Variants in DAPK2 observed in about 807,000 individuals in gnomAD.
The protein encoded by DAPK2 is death associated protein kinase 2.
DAPK2 carries 35 observed loss-of-function variants against 44.1 expected under a neutral mutation model. The ratio of observed to expected loss-of-function variants is 0.79; its 90% CI spans 0.61 to 1.05. The LOEUF (loss-of-function observed/expected upper bound fraction) is 1.05. Ranked by LOEUF, DAPK2 falls within the 50% of genes least tolerant of loss-of-function variation. DAPK2 has a pLI of 0.00. For synonymous variants in DAPK2, 174 were observed against 182.6 expected, an observed-to-expected ratio of 0.95 and a Z score of 0.38; for missense variants, 453 against 483.2, an observed-to-expected ratio of 0.94 and a Z score of 0.59.
At position 63,911,888 on chromosome 15, in the gene DAPK2, G is replaced by A. The variant is rs1299738627; in HGVS notation, c.1032+20C>T. 4 of 1,610,474 alleles carry A rather than the reference G, an allele frequency of 2.5e-6. No individual in the cohort carries two copies. The highest frequency in any genetic ancestry group is 2.2e-5 in the East Asian group (1 of 44,834). ...GCTACCCCAGAATTCTGCCCAAGAAGAGGGCATGCATTTACCCACCAGGTC... is the reference window on the plus strand; with the variant it reads ...GCTACCCCAGAATTCTGCCCAAGAAAAGGGCATGCATTTACCCACCAGGTC... On this transcript the variant is annotated intron_variant, in intron 10 of 10. Transcript: ENST00000261891.
rs1246847387 is a variant in DAPK2, at chr15:64,023,687, C to T, written c.92+16483G>A. Among the ~76,000 whole-genome samples, 18 of 152,174 alleles carry T rather than the reference C, an allele frequency of 1.2e-4. No homozygotes were observed. The South Asian group carries it at 3.5e-3, about 30-fold the overall frequency. On this transcript the variant is annotated intron_variant, in intron 1 of 10. Transcript: ENST00000261891. ...CCTCACTGCAACTCCTCCCTGTGAA[C>T]TCTTCAAATCAACTGATGACCACTG...
rs1045653813 is a variant in DAPK2 at position 63,966,349 on chromosome 15, G to A, written c.453+5074C>T. Reference sequence around the variant, plus strand: ...ACTTTTCCCTCTTTTCTCCTCAAGTGGAGGGAAGGATTCTCTCCTGGAGTT... The same window carrying A: ...ACTTTTCCCTCTTTTCTCCTCAAGTAGAGGGAAGGATTCTCTCCTGGAGTT... On this transcript the variant is annotated intron_variant, in intron 3 of 10. Transcript: ENST00000261891. The surrounding 1 kb of genome is among the most constrained non-coding windows in gnomAD (Gnocchi z 5.5). 5.3e-5 allele frequency among the ~76,000 whole-genome samples: 8 copies of A among 152,206 alleles called. No individual in the cohort carries two copies. Among genetic ancestry groups the A allele is most frequent in the Non-Finnish European group, 7.3e-5 (5 of 68,036 alleles).
At chr15:63,978,167 G>C (rs1292578724) in intron 2 of DAPK2, among the ~76,000 whole-genome samples, 1 of 152,156 alleles carries the variant, frequency 6.6e-6, no homozygotes, top group Non-Finnish European at 1.5e-5. Context: ...GTATCATATA[G>C]ACAGTGAAGC....
intron 3 of DAPK2, among the ~76,000 whole-genome samples, chr15:63,968,268 G>A (rs1156769814): frequency 2.0e-5 from 3 of 152,206 alleles, no homozygotes; most frequent in Admixed American, 6.5e-5. Flanking sequence ...TTGCCCAGGT[G>A]GGCCTAGGCC....
At chr15:63,913,533 C>T (rs191436955) in intron 8 of DAPK2, among the ~76,000 whole-genome samples, 1 of 152,302 alleles carries the variant, frequency 6.6e-6, no homozygotes, top group East Asian at 1.9e-4. Flanking sequence ...TGACAGCCTT[C>T]CTGCCGCAAT....
At chr15:63,952,942 C>G (rs1465164042) in intron 3 of DAPK2, among the ~76,000 whole-genome samples, 1 of 151,966 alleles carries the variant, frequency 6.6e-6, no homozygotes, top group African/African-American at 2.4e-5. Context: ...TCCCTTCCCC[C>G]CACCCCTGGC....
intron 3 of DAPK2, among the ~76,000 whole-genome samples, chr15:63,942,628 C>T (rs900245388): frequency 1.1e-4 from 16 of 151,982 alleles, no homozygotes; most frequent in Admixed American, 9.8e-4. Flanking sequence ...CATGTTTCCC[C>T]CGCCCGAGTC....
chr15:63,983,394 G>A (rs1222085933), intron 2 of DAPK2, 139 bp downstream of exon 3: 3 of 708,606 alleles, frequency 4.2e-6, no homozygotes, highest in East Asian at 5.4e-5. Context: ...GAGGGGATCT[G>A]CCCACCACTG....
chr15:63,923,332 T>C lies in DAPK2; in HGVS notation c.858+1484A>G. ...TCTTCCGCTGTTCAGGGGCTCTGCC[T>C]TCTCCTTTTGACTGGTGGGTGTTCA... On this transcript the variant is annotated intron_variant, in intron 8 of 10. Coordinates refer to ENST00000261891, the Ensembl canonical transcript of DAPK2. The surrounding 1 kb of genome is among the most constrained non-coding windows in gnomAD (Gnocchi z 4.2). The C allele has an allele frequency of 6.5e-7, 1 of 1,535,046 alleles. No individual in the cohort carries two copies. Among genetic ancestry groups the C allele is most frequent in the Non-Finnish European group, 8.7e-7 (1 of 1,146,000 alleles).
intron 3 of DAPK2, among the ~76,000 whole-genome samples, chr15:63,953,776 A>G (rs1362871264): frequency 6.6e-6 from 1 of 152,180 alleles, no homozygotes; most frequent in Non-Finnish European, 1.5e-5. Context: ...CATTGTTACC[A>G]GCATGTTACT....
At chr15:63,964,056 C>T (rs1470905050) in intron 3 of DAPK2, among the ~76,000 whole-genome samples, 1 of 152,228 alleles carries the variant, frequency 6.6e-6, no homozygotes, top group Non-Finnish European at 1.5e-5. Flanking sequence ...TCTACACCTT[C>T]AGATGGTTTC....
At chr15:63,956,204 T>G (rs1358225568) in intron 3 of DAPK2, among the ~76,000 whole-genome samples, 2 of 152,196 alleles carry the variant, frequency 1.3e-5, no homozygotes, top group African/African-American at 4.8e-5. Context: ...TAGGTCTGGT[T>G]AAAAGTTTGT....
intron 3 of DAPK2, among the ~76,000 whole-genome samples, chr15:63,955,131 C>G (rs962429760): frequency 1.3e-5 from 2 of 152,180 alleles, no homozygotes; most frequent in Admixed American, 6.5e-5. Context: ...CCAATTTGGA[C>G]GCCCTTTATT....
At chr15:63,968,559 CA>C (rs2078119641) in intron 3 of DAPK2, among the ~76,000 whole-genome samples, 1 of 152,208 alleles carries the variant, frequency 6.6e-6, no homozygotes, top group Non-Finnish European at 1.5e-5. Context: ...AACACTGTAA[CA>C]AAAGTTCTAT....
In DAPK2 at chr15:63,990,322, G is replaced by A. The variant is rs1293883525; in HGVS notation, c.93-6568C>T. On this transcript the variant is annotated intron_variant, in intron 1 of 10. Transcript: ENST00000261891. The surrounding 1 kb of genome is among the most constrained non-coding windows in gnomAD (Gnocchi z 4.3). ...TGCACACCTGTAGTCCCAACTACTC[G>A]AAGGGTGAAGCACAATAATTGTTTG... Among the ~76,000 whole-genome samples, 8 of 152,090 alleles carry A rather than the reference G, an allele frequency of 5.3e-5. No homozygotes were observed. Among genetic ancestry groups the A allele is most frequent in the South Asian group, 2.1e-4 (1 of 4,828 alleles).
intron 1 of DAPK2, among the ~76,000 whole-genome samples, chr15:64,015,879 C>T (rs332290): frequency 0.037 from 5,707 of 152,300 alleles, 335 homozygotes; most frequent in African/African-American, 0.13. Context: ...GGAATCAACC[C>T]TGCTGACACC....
intron 8 of DAPK2, chr15:63,920,274 C>T (rs2079035573): frequency 1.3e-5 from 2 of 152,082 alleles, no homozygotes; most frequent in South Asian, 4.2e-4. Context: ...GAAAGCAAAC[C>T]TGCATGAGTA....
intron 7 of DAPK2, 82 bp from the exon 9 acceptor site, chr15:63,924,943 C>G: frequency 2.0e-6 from 3 of 1,502,902 alleles, no homozygotes; most frequent in Non-Finnish European, 1.8e-6. Context: ...TCTTTTTAGA[C>G]CTATATTTTG....
chr15:64,028,041 T>TCTATCTACCTAC (rs1555483122), intron 1 of DAPK2, among the ~76,000 whole-genome samples: 3 of 94,342 alleles, frequency 3.2e-5, no homozygotes, highest in Non-Finnish European at 7.2e-5. Flanking sequence ...TATCTATCTA[T>TCTATCTACCTAC]CTATCTATCT....
Sources: gnomAD v4.1 joint callset for allele counts (sites outside exome capture counted in the v4.1 genomes callset) on GRCh38, gnomAD v4.1.1 for gene constraint, Gnocchi (gnomAD v3.1) non-coding constraint, MANE v1.5 for transcripts, NCBI Gene and HGNC (gene_info 2026-07-23, HGNC 2026-07-21) for gene names.